The following SIN3A variants were observed in gnomAD, a reference collection of about 807,000 sequenced individuals.
SIN3A encodes paired amphipathic helix protein Sin3a.
Under a neutral mutation model 146.1 loss-of-function variants are expected in SIN3A, and 14 were observed. The ratio of observed to expected loss-of-function variants is 0.10; its 90% confidence interval spans 0.06 to 0.15. The LOEUF is 0.15. SIN3A is among the 10% of genes least tolerant of loss of function. The probability of loss-of-function intolerance (pLI) is 1.00; values close to 1 mark genes in which losing one functional copy is unlikely to be tolerated. For synonymous variants in SIN3A, 572 were observed against 572.0 expected (o/e 1.00, Z 0.00); for missense variants, 1,028 against 1,576.0 (o/e 0.65, Z 5.89).
Position 75,414,211 on chromosome 15 carries a change from G to T in SIN3A, c.467C>A (p.Ser156Tyr). The change falls in exon 4 of 21, where the codon TCT becomes TAT. Residue 156 changes from serine (S) to tyrosine (Y), a missense_variant. Ser to Tyr is a moderately radical substitution (Grantham distance 144). Around this residue, in one of 9 missense-constraint regions of SIN3A, gnomAD observed 152 missense variants for 231.5 expected, o/e 0.66. Transcript: ENST00000394947. ...ACAATCACACATCTTTTACCTCTGA[G>T]ATTTAAATTCCTTCATGATGTCAAG... is the stretch of plus-strand genomic sequence containing the variant. ...DFLDIMKEFK[S>Y]QSIDTPGVIS... 1 of 1,501,394 alleles carries T rather than the reference G, an allele frequency of 6.7e-7. No homozygotes were observed. Among genetic ancestry groups the T allele is most frequent in the Non-Finnish European group, 9.1e-7 (1 of 1,103,036 alleles). 93.0% of individuals were successfully genotyped at this position (1,501,394 alleles called of 1,614,324 possible). A position where few individuals can be genotyped will look rare whatever the true frequency, so the allele number is the denominator to read the frequency against.
chr15:75,411,499 G>A lies in SIN3A; in HGVS notation c.1001C>T (p.Thr334Ile), dbSNP rs2073638193. 6.2e-7 allele frequency: 1 copy of A among 1,613,516 alleles called. No individual in the cohort carries two copies. The highest frequency in any genetic ancestry group is 1.7e-5 in the Admixed American group (1 of 59,990). ...TGAATGGGCACTCCTTACCTGATAT[G>A]TGTGCAAAATCTCCAGGAATGCTTT... is the stretch of plus-strand genomic sequence containing the variant. ...IYKAFLEILHTYQKEQRNAKE... is the reference protein window; with the variant it reads ...IYKAFLEILHIYQKEQRNAKE... Residue 334 changes from threonine (T) to isoleucine (I), a missense_variant, in exon 6 of 21, where the codon ACA becomes ATA. By Grantham distance (89) the Thr-to-Ile change is moderately conservative. Around this residue, in one of 9 missense-constraint regions of SIN3A, gnomAD observed 14 missense variants for 54.4 expected, o/e 0.26. Transcript: ENST00000394947.
intron 16 of SIN3A, among the ~76,000 whole-genome samples, chr15:75,385,511 T>C (rs1406088831): frequency 6.6e-6 from 1 of 152,234 alleles, no homozygotes; most frequent in African/African-American, 2.4e-5. Context: ...AGAGTTCCCA[T>C]TCTCATGTCA....
At chr15:75,427,044 G>GA (rs939590578) in intron 2 of SIN3A, among the ~76,000 whole-genome samples, 1 of 152,036 alleles carries the variant, frequency 6.6e-6, no homozygotes, top group African/African-American at 2.4e-5. Context: ...AGGTGTGACA[G>GA]AAAAAAAGTC....
At position 75,416,233 on chromosome 15, in the gene SIN3A, T is replaced by A. The variant is rs989597424; in HGVS notation, c.367-1922A>T. 2.0e-5 allele frequency among the ~76,000 whole-genome samples: 3 copies of A among 152,358 alleles called. 1 individual carries two copies. The highest frequency in any genetic ancestry group is 4.1e-4 in the South Asian group (2 of 4,830). On this transcript the variant is annotated intron_variant, in intron 3 of 20. Transcript: ENST00000394947. ...GAAGGATCACAGGTCACTAATAGAA[T>A]GTCTTTGAAGCTGGACTGACGTGGG...
intron 2 of SIN3A, among the ~76,000 whole-genome samples, chr15:75,423,939 G>T (rs1372206330): frequency 2.6e-5 from 4 of 152,088 alleles, no homozygotes; most frequent in East Asian, 3.9e-4. Context: ...AGGTTGCAGT[G>T]AGCTGAGATC....
At chr15:75,379,072 T>C (rs1235508741) in intron 19 of SIN3A, among the ~76,000 whole-genome samples, 1 of 152,026 alleles carries the variant, frequency 6.6e-6, no homozygotes, top group African/African-American at 2.4e-5. Context: ...GCTAATTTTC[T>C]GTATTTTTAG....
intron 9 of SIN3A, among the ~76,000 whole-genome samples, chr15:75,406,458 C>G (rs551456240): frequency 6.6e-6 from 1 of 152,260 alleles, no homozygotes; most frequent in East Asian, 1.9e-4. Context: ...GAGGCCGAGG[C>G]GGGCGGATCA....
chr15:75,417,994 T>C (rs1193136165), intron 3 of SIN3A, among the ~76,000 whole-genome samples: 1 of 152,070 alleles, frequency 6.6e-6, no homozygotes, highest in Admixed American at 6.6e-5. Flanking sequence ...CCAAACCAAC[T>C]GGCACCTGGA....
chr15:75,401,751 T>C, intron 10 of SIN3A, 101 bp downstream of exon 10: 1 of 722,012 alleles, frequency 1.4e-6, no homozygotes, highest in South Asian at 1.7e-5. Flanking sequence ...TCAACTGATG[T>C]ATCTCAAGTA....
chr15:75,401,748 A>T (rs2073415379), intron 10 of SIN3A, 104 bp downstream of exon 10: 1 of 712,194 alleles, frequency 1.4e-6, no homozygotes, highest in East Asian at 2.5e-5. Flanking sequence ...GAGTCAACTG[A>T]TGTATCTCAA....
chr15:75,377,610 G>C (rs2072886726), intron 19 of SIN3A, among the ~76,000 whole-genome samples: 1 of 150,386 alleles, frequency 6.6e-6, no homozygotes. Context: ...GGGCAACAGA[G>C]TGAGACTCTG....
chr15:75,394,862 A>G lies in SIN3A; in HGVS notation c.2095T>C (p.Leu699=), dbSNP rs1460213536. Residue 699 remains leucine (L), a splice_region_variant and synonymous_variant, in exon 14 of 21, where the codon TTG becomes CTG. Transcript: ENST00000394947. ...CGCCATTCTTCCTCTTTCATCTTCA[A>G]CCTAGTGAAGCGGGAAGGGATGGAA... ...SIAVPIVLKR[L]KMKEEEWREA... The G allele has an allele frequency of 6.2e-7, 1 of 1,612,552 alleles. No homozygotes were observed. Among genetic ancestry groups the G allele is most frequent in the Non-Finnish European group, 8.5e-7 (1 of 1,179,210 alleles).
At chr15:75,385,106 G>T (rs2073054081) in intron 16 of SIN3A, among the ~76,000 whole-genome samples, 1 of 152,196 alleles carries the variant, frequency 6.6e-6, no homozygotes, top group African/African-American at 2.4e-5. Context: ...CTGGGAGATG[G>T]AGGTTGCAGT....
At chr15:75,422,229 T>TAA in intron 3 of SIN3A, 1 of 246,350 alleles carries the variant, frequency 4.1e-6, no homozygotes. Context: ...AACTAAAAAC[T>TAA]AAAAAAAAAA....
intron 6 of SIN3A, among the ~76,000 whole-genome samples, chr15:75,411,067 G>A (rs142172670): frequency 3.3e-5 from 5 of 152,108 alleles, no homozygotes; most frequent in East Asian, 1.9e-4. Context: ...GGTGGCTCAC[G>A]CCTGCAATCC....
At chr15:75,446,657 A>G (rs1471303713) in intron 1 of SIN3A, among the ~76,000 whole-genome samples, 3 of 151,280 alleles carry the variant, frequency 2.0e-5, no homozygotes, top group East Asian at 2.0e-4. Flanking sequence ...ATGCTTGGCT[A>G]ATTTTTAATT....
intron 17 of SIN3A, among the ~76,000 whole-genome samples, chr15:75,383,851 A>C (rs981947855): frequency 4.6e-5 from 7 of 152,092 alleles, no homozygotes; most frequent in Non-Finnish European, 1.0e-4. Context: ...GCTGGTCTCA[A>C]GTGATCCGCC....
At chr15:75,376,537 AATT>A (rs1184854474) in intron 19 of SIN3A, among the ~76,000 whole-genome samples, 1 of 152,152 alleles carries the variant, frequency 6.6e-6, no homozygotes, top group Admixed American at 6.6e-5. Flanking sequence ...TCAGCTAGAC[AATT>A]ATATTGTTTC....
At chr15:75,383,095 A>T (rs952161729) in intron 17 of SIN3A, among the ~76,000 whole-genome samples, 1 of 150,854 alleles carries the variant, frequency 6.6e-6, no homozygotes, top group African/African-American at 2.4e-5. Context: ...AACAAGAGTG[A>T]GCCTCCATCT....
Sources: allele counts gnomAD v4.1 joint callset (sites outside exome capture counted in the v4.1 genomes callset), GRCh38; gene constraint gnomAD v4.1.1; regional missense constraint gnomAD v4.1.1; transcripts MANE v1.5; gene names NCBI Gene and HGNC (gene_info 2026-07-23, HGNC 2026-07-21).